JMY: variants seen among roughly 807,000 people sequenced by gnomAD.
JMY encodes junction-mediating and -regulatory protein.
A neutral mutation model predicts 103.3 loss-of-function variants in JMY; 46 were observed. That is an observed-to-expected ratio of 0.45 (90% CI 0.35 to 0.57). The LOEUF (loss-of-function observed/expected upper bound fraction) is 0.57, where lower values mean the gene tolerates loss of function less well. Ranked by LOEUF, JMY falls within the 20% of genes least tolerant of loss-of-function variation. The pLI, the probability that JMY is intolerant of heterozygous loss-of-function variation, is 0.00. For missense variants in JMY, 1,238 were observed against 1,255.2 expected (o/e 0.99, Z 0.21); for synonymous variants, 526 against 489.3 (o/e 1.07, Z -0.99).
chr5:79,278,859 G>A (rs912515694), intron 2 of JMY, among the ~76,000 whole-genome samples: 60 of 151,408 alleles, frequency 4.0e-4, no homozygotes, highest in South Asian at 1.7e-3. Context: ...GAACTCCTGG[G>A]CTCAAGCGAT....
chr5:79,255,077 CA>C (rs971367747), intron 1 of JMY, among the ~76,000 whole-genome samples: 2 of 150,484 alleles, frequency 1.3e-5, no homozygotes, highest in Non-Finnish European at 2.9e-5. Flanking sequence ...AGTTTCCCCC[CA>C]AAAAAGCTAC....
chr5:79,324,005 C>T lies in JMY; in HGVS notation c.*2403C>T, dbSNP rs1036160163. 6.6e-6 allele frequency: 1 copy of T among 152,216 alleles called. No homozygotes were observed. The highest frequency in any genetic ancestry group is 2.4e-5 in the African/African-American group (1 of 41,452). The allele number at this position is 152,216 out of a possible 1,614,324, so 9.4% of individuals were successfully genotyped here. A position where few individuals can be genotyped will look rare whatever the true frequency, so the allele number is the denominator to read the frequency against. ...CATCCTCTTGTAAATAACTTTCCAACACACCCATTTCCTTGCCTTAAGGTG... is the reference window on the plus strand; with the variant it reads ...CATCCTCTTGTAAATAACTTTCCAATACACCCATTTCCTTGCCTTAAGGTG... On this transcript the variant is annotated 3_prime_UTR_variant, in exon 11 of 11. Transcript: ENST00000396137.
chr5:79,300,065 G>A (rs1746685984), intron 4 of JMY, 88 bp from the exon 5 acceptor site: 1 of 1,025,942 alleles, frequency 9.7e-7, no homozygotes, highest in Non-Finnish European at 1.5e-6. Flanking sequence ...ATAGGTTTAT[G>A]CTATCTGATT....
intron 2 of JMY, among the ~76,000 whole-genome samples, chr5:79,288,333 C>A (rs188965145): frequency 6.6e-6 from 1 of 152,298 alleles, no homozygotes; most frequent in Admixed American, 6.5e-5. Flanking sequence ...TCACCTCTCG[C>A]ATGCCTTTTC....
intron 2 of JMY, among the ~76,000 whole-genome samples, chr5:79,280,295 TC>T (rs1358727941): frequency 1.3e-5 from 2 of 152,226 alleles, no homozygotes; most frequent in Non-Finnish European, 2.9e-5. Context: ...GCACTGACTA[TC>T]CAGAATCTGT....
intron 1 of JMY, among the ~76,000 whole-genome samples, chr5:79,245,748 C>T (rs1416853831): frequency 1.3e-5 from 2 of 152,162 alleles, no homozygotes; most frequent in Admixed American, 6.5e-5. Context: ...GCCTCAGTCT[C>T]CTGGGTAGCT....
chr5:79,308,785 A>G (rs899274249), intron 7 of JMY, among the ~76,000 whole-genome samples: 2 of 152,070 alleles, frequency 1.3e-5, no homozygotes, highest in South Asian at 4.1e-4. Flanking sequence ...TACACCTAAC[A>G]TCTTAACATT....
chr5:79,291,014 C>A, intron 3 of JMY, 116 bp from the exon 4 acceptor site: 2 of 674,558 alleles, frequency 3.0e-6, no homozygotes, highest in Non-Finnish European at 4.5e-6. Flanking sequence ...AAGTTATAAG[C>A]AGTTTATCAT....
At chr5:79,310,522 C>G (rs1054884806) in intron 7 of JMY, among the ~76,000 whole-genome samples, 1 of 152,108 alleles carries the variant, frequency 6.6e-6, no homozygotes, top group Non-Finnish European at 1.5e-5. Context: ...TAGCTTAGAT[C>G]AAAATAGATC....
chr5:79,270,598 G>GTATATTTACATAAATGTTTATATAAAA lies in JMY; in HGVS notation c.1033-7296_1033-7270dup, dbSNP rs1745745498. Reference sequence around the variant, plus strand: ...GTATATTTACATAAATATTTAAAATGTATATTTACATAAATGTTTATATAA... The same window carrying GTATATTTACATAAATGTTTATATAAAA: ...GTATATTTACATAAATATTTAAAATGTATATTTACATAAATGTTTATATAAAATATATTTACATAAATGTTTATATAA... On this transcript the variant is annotated intron_variant, in intron 1 of 10. Transcript: ENST00000396137. Among the ~76,000 whole-genome samples, 15 of 22,604 alleles carry GTATATTTACATAAATGTTTATATAAAA rather than the reference G, an allele frequency of 6.6e-4. 6 individuals carry two copies. The highest frequency in any genetic ancestry group is 2.2e-3 in the African/African-American group (15 of 6,898). The allele number at this position is 22,604 out of a possible 152,430, so 14.8% of individuals were successfully genotyped here. A position where few individuals can be genotyped will look rare whatever the true frequency, so the allele number is the denominator to read the frequency against.
At chr5:79,274,082 A>G (rs966112059) in intron 1 of JMY, among the ~76,000 whole-genome samples, 34 of 151,176 alleles carry the variant, frequency 2.2e-4, no homozygotes, top group African/African-American at 7.3e-4. Flanking sequence ...GCCCGCCTTG[A>G]CCTCCCTAAG....
intron 2 of JMY, chr5:79,284,480 T>C (rs1580354319): frequency 6.3e-7 from 1 of 1,587,526 alleles, no homozygotes; most frequent in East Asian, 2.2e-5. Flanking sequence ...CTGTATCTGA[T>C]TGTTGCGTTT....
At position 79,315,402 on chromosome 5, in the gene JMY, A is replaced by T. The variant is rs539095104; in HGVS notation, c.2659+551A>T. On this transcript the variant is annotated intron_variant, in intron 9 of 10. Coordinates refer to ENST00000396137, the MANE Select transcript of JMY (RefSeq NM_152405.5). ...TAAGAGAGATTCAAGCACAAATAAAATTATTTCTAAAAAGAGCAGAGAATA... is the reference window on the plus strand; with the variant it reads ...TAAGAGAGATTCAAGCACAAATAAATTTATTTCTAAAAAGAGCAGAGAATA... Among the ~76,000 whole-genome samples, 3 of 152,306 alleles carry T rather than the reference A, an allele frequency of 2.0e-5. No homozygotes were observed. In the East Asian group the frequency reaches 5.8e-4, roughly 29 times the overall value.
intron 1 of JMY, among the ~76,000 whole-genome samples, chr5:79,258,056 C>G (rs1745300517): frequency 6.6e-6 from 1 of 152,096 alleles, no homozygotes; most frequent in Admixed American, 6.6e-5. Context: ...AGCCACTGTG[C>G]CCGGCCTTTG....
At chr5:79,281,213 T>G (rs1202356259) in intron 2 of JMY, among the ~76,000 whole-genome samples, 1 of 151,436 alleles carries the variant, frequency 6.6e-6, no homozygotes, top group Admixed American at 6.6e-5. Context: ...CCCGGCTAAT[T>G]TTTTGTATTT....
intron 2 of JMY, chr5:79,284,345 A>G (rs1374706813): frequency 1.0e-5 from 13 of 1,304,346 alleles, no homozygotes; most frequent in Admixed American, 8.4e-5. Context: ...GTCTTTTCCA[A>G]TGCTGTCTGG....
chr5:79,290,303 A>AT, intron 3 of JMY, 32 bp downstream of exon 3: 1 of 1,404,796 alleles, frequency 7.1e-7, no homozygotes. Context: ...TCCTTTAGGT[A>AT]TTTTTGAAAA....
At chr5:79,277,483 C>T (rs566855129) in intron 1 of JMY, among the ~76,000 whole-genome samples, 1 of 150,904 alleles carries the variant, frequency 6.6e-6, no homozygotes, top group Admixed American at 6.6e-5. Flanking sequence ...AAAATATATA[C>T]AATAACTAGC....
chr5:79,303,348 C>CCACTGT (rs1746793759), intron 6 of JMY, among the ~76,000 whole-genome samples: 1 of 152,232 alleles, frequency 6.6e-6, no homozygotes, highest in South Asian at 2.1e-4. Context: ...CAGGTGTGAG[C>CCACTGT]CACTGTGCCC....
Sources: allele counts gnomAD v4.1 joint callset (sites outside exome capture counted in the v4.1 genomes callset), GRCh38; gene constraint gnomAD v4.1.1; transcripts MANE v1.5; gene names NCBI Gene and HGNC (gene_info 2026-07-23, HGNC 2026-07-21).